RIMS2: variants seen among roughly 807,000 people sequenced by gnomAD.
The protein encoded by RIMS2 is regulating synaptic membrane exocytosis protein 2.
RIMS2 carries 59 observed loss-of-function variants against 174.4 expected under a neutral mutation model. The observed-to-expected ratio is 0.34, with a 90% confidence interval of 0.27 to 0.42. The LOEUF (loss-of-function observed/expected upper bound fraction) is 0.42, where lower values mean the gene tolerates loss of function less well. RIMS2 is among the 10% of genes least tolerant of loss of function. RIMS2 has a pLI of 1.00. For missense variants in RIMS2, 1,620 were observed against 1,666.3 expected (o/e 0.97, Z 0.48); for synonymous variants, 606 against 572.5 (o/e 1.06, Z -0.84).
chr8:104,098,133 AG>A lies in RIMS2; in HGVS notation c.3334+83519del, dbSNP rs1267763664. On this transcript the variant is annotated intron_variant, in intron 19 of 23. Coordinates refer to ENST00000504942, the Ensembl canonical transcript of RIMS2. ...ACTGAATGTAAAAGTAGAAATGAAT[AG>A]CAAAAAGTAAGTTCAAAAATAGTTT... Among the ~76,000 whole-genome samples, 14 of 152,344 alleles carry A rather than the reference AG, an allele frequency of 9.2e-5. 1 individual carries two copies. The highest frequency in any genetic ancestry group is 3.4e-4 in the African/African-American group (14 of 41,602).
At chr8:104,165,405 G>T (rs2098790942) in intron 19 of RIMS2, among the ~76,000 whole-genome samples, 1 of 151,384 alleles carries the variant, frequency 6.6e-6, no homozygotes, top group Non-Finnish European at 1.5e-5. Context: ...CTTCTTAGAT[G>T]TGTATTTATT....
intron 19 of RIMS2, among the ~76,000 whole-genome samples, chr8:104,133,538 A>G (rs2098491135): frequency 6.6e-6 from 1 of 152,226 alleles, no homozygotes; most frequent in African/African-American, 2.4e-5. Context: ...CCCAAGTACA[A>G]TGAGAAGACA....
intron 3 of RIMS2, chr8:103,819,513 A>G (rs1222139888): frequency 6.2e-6 from 10 of 1,612,708 alleles, no homozygotes; most frequent in Non-Finnish European, 3.4e-6. Context: ...AGAAAATGCA[A>G]TTTGAGACAT....
intron 5 of RIMS2, 53 bp from the exon 8 acceptor site, chr8:103,910,268 C>A: frequency 6.7e-7 from 1 of 1,491,102 alleles, no homozygotes; most frequent in Non-Finnish European, 9.2e-7. Flanking sequence ...TTATTTACAC[C>A]TTTGCATGTT....
intron 3 of RIMS2, among the ~76,000 whole-genome samples, chr8:103,856,327 C>A (rs749605430): frequency 1.3e-5 from 2 of 152,084 alleles, no homozygotes; most frequent in Non-Finnish European, 2.9e-5. Context: ...CTCTTGAAGC[C>A]AGAGATGGTT....
At chr8:103,510,222 G>C (rs1258807729) in intron 1 of RIMS2, among the ~76,000 whole-genome samples, 2 of 152,134 alleles carry the variant, frequency 1.3e-5, no homozygotes, top group Non-Finnish European at 2.9e-5. Context: ...TAACCACAAT[G>C]GTGTTTGGTG....
chr8:103,851,794 C>T (rs2099000005), intron 3 of RIMS2, among the ~76,000 whole-genome samples: 1 of 151,632 alleles, frequency 6.6e-6, no homozygotes, highest in Non-Finnish European at 1.5e-5. Flanking sequence ...GGACTTTATT[C>T]ATATTATGAT....
chr8:103,714,653 T>A (rs945691899), intron 2 of RIMS2, among the ~76,000 whole-genome samples: 1 of 152,166 alleles, frequency 6.6e-6, no homozygotes, highest in Non-Finnish European at 1.5e-5. Flanking sequence ...TGACAGATGA[T>A]TTTGTCATAT....
Position 104,103,613 on chromosome 8 carries a change from C to T in RIMS2, c.3334+88998C>T, listed in dbSNP as rs187870651. On this transcript the variant is annotated intron_variant, in intron 19 of 23. Transcript: ENST00000504942. The stretch of plus-strand genomic sequence containing the variant: ...CTTTTTTCTATTTTTTTCATCTGTG[C>T]GTATATTTTTAAATTTCCAGAGTGT... 4.0e-3 allele frequency among the ~76,000 whole-genome samples: 608 copies of T among 151,760 alleles called. 2 individuals carry two copies. The highest frequency in any genetic ancestry group is 5.7e-3 in the Non-Finnish European group (388 of 67,942).
At chr8:103,667,976 A>G (rs1213108072) in intron 1 of RIMS2, among the ~76,000 whole-genome samples, 2 of 152,134 alleles carry the variant, frequency 1.3e-5, no homozygotes, top group Non-Finnish European at 2.9e-5. Context: ...TGAGTTTTAG[A>G]TCACCTGGGT....
At chr8:103,716,207 C>A (rs2097366543) in intron 2 of RIMS2, 102 bp from the exon 5 acceptor site, 1 of 151,872 alleles carries the variant, frequency 6.6e-6, no homozygotes, top group Non-Finnish European at 1.5e-5. Flanking sequence ...AGTAAGAAAA[C>A]TTTTTAAAAC....
intron 3 of RIMS2, among the ~76,000 whole-genome samples, chr8:103,881,218 T>C (rs1385082414): frequency 6.6e-6 from 1 of 151,576 alleles, no homozygotes; most frequent in Non-Finnish European, 1.5e-5. Context: ...TGTCATAATT[T>C]TTAAAAATTG....
chr8:103,533,469 A>G (rs1354731013), intron 1 of RIMS2, among the ~76,000 whole-genome samples: 1 of 152,102 alleles, frequency 6.6e-6, no homozygotes, highest in African/African-American at 2.4e-5. Context: ...TAGTGGCAAG[A>G]ACATTTTCAA....
At chr8:103,639,779 A>C (rs2096182563) in intron 1 of RIMS2, among the ~76,000 whole-genome samples, 1 of 151,930 alleles carries the variant, frequency 6.6e-6, no homozygotes, top group Non-Finnish European at 1.5e-5. Flanking sequence ...TGTGAACATA[A>C]GTTTTCATTC....
intron 3 of RIMS2, among the ~76,000 whole-genome samples, chr8:103,871,718 G>T (rs541700305): frequency 2.0e-5 from 3 of 152,020 alleles, no homozygotes; most frequent in Admixed American, 6.5e-5. Context: ...AGGATCAGGG[G>T]TAGAATGACA....
intron 19 of RIMS2, among the ~76,000 whole-genome samples, chr8:104,053,245 A>AGAT (rs1467156269): frequency 6.6e-6 from 1 of 152,184 alleles, no homozygotes; most frequent in Non-Finnish European, 1.5e-5. Flanking sequence ...TCAATATTGG[A>AGAT]GATATAGTAA....
intron 19 of RIMS2, among the ~76,000 whole-genome samples, chr8:104,131,882 C>A (rs992183026): frequency 1.3e-5 from 2 of 152,040 alleles, no homozygotes; most frequent in Admixed American, 6.6e-5. Context: ...GAGTGATTTA[C>A]ATTTAATAAT....
At chr8:103,967,184 T>G (rs1470291043) in intron 15 of RIMS2, among the ~76,000 whole-genome samples, 50 of 129,352 alleles carry the variant, frequency 3.9e-4, no homozygotes, top group Admixed American at 6.1e-4. Flanking sequence ...TTTTTTTTTT[T>G]TTTTTTTTTT....
At chr8:104,038,207 T>C (rs371745608) in intron 19 of RIMS2, among the ~76,000 whole-genome samples, 4 of 152,070 alleles carry the variant, frequency 2.6e-5, no homozygotes, top group East Asian at 3.8e-4. Context: ...ATGGTGCTTA[T>C]GAGTTTATTC....
Sources: allele counts gnomAD v4.1 joint callset (sites outside exome capture counted in the v4.1 genomes callset), GRCh38; gene constraint gnomAD v4.1.1; transcripts MANE v1.5; gene names NCBI Gene and HGNC (gene_info 2026-07-23, HGNC 2026-07-21).